Variants in AFF3 observed in about 807,000 individuals in gnomAD.
AFF3 encodes ALF transcription elongation factor 3, also known as AF4/FMR2 family member 3.
A neutral mutation model predicts 129.7 loss-of-function variants in AFF3; 32 were observed. That is an observed-to-expected ratio of 0.25 (90% confidence interval 0.19 to 0.33). AFF3 has a LOEUF of 0.33. AFF3 is among the 10% of genes least tolerant of loss of function. The pLI is 1.00. For missense variants in AFF3, 1,373 were observed against 1,592.0 expected (o/e 0.86, Z 2.34); for synonymous variants, 644 against 635.4 (o/e 1.01, Z -0.20).
intron 18 of AFF3, among the ~76,000 whole-genome samples, chr2:99,577,486 T>C (rs10169725): frequency 0.023 from 3,484 of 152,258 alleles, 126 homozygotes; most frequent in African/African-American, 0.079. Context: ...TAGTGGTTTG[T>C]AGTCTGCTCC....
At chr2:99,942,596 G>A (rs1014193648) in intron 7 of AFF3, among the ~76,000 whole-genome samples, 1 of 151,708 alleles carries the variant, frequency 6.6e-6, no homozygotes, top group East Asian at 2.0e-4. Flanking sequence ...GCTTGGGGAA[G>A]AACATTTTTG....
chr2:99,960,559 C>T (rs1677114101), intron 7 of AFF3, among the ~76,000 whole-genome samples: 1 of 152,202 alleles, frequency 6.6e-6, no homozygotes, highest in Admixed American at 6.5e-5. Context: ...CTCCTTATGA[C>T]AACCCCCAAA....
intron 7 of AFF3, among the ~76,000 whole-genome samples, chr2:99,984,305 T>C (rs1372959012): frequency 1.3e-5 from 2 of 152,234 alleles, no homozygotes; most frequent in East Asian, 3.8e-4. Flanking sequence ...GAAAGGAATC[T>C]ATGAGCTTCT....
At chr2:100,104,830 T>A in intron 3 of AFF3, 1 of 463,086 alleles carries the variant, frequency 2.2e-6, no homozygotes, top group Non-Finnish European at 2.6e-6. Flanking sequence ...GCCGCGGTGC[T>A]CTGCGCCCGC....
intron 16 of AFF3, among the ~76,000 whole-genome samples, chr2:99,586,396 C>T (rs1678120505): frequency 6.6e-6 from 1 of 152,214 alleles, no homozygotes. Context: ...TAGCACTGCT[C>T]TACATCTTTT....
chr2:99,587,063 C>T, intron 16 of AFF3, 91 bp downstream of exon 16: 1 of 1,559,126 alleles, frequency 6.4e-7, no homozygotes, highest in Non-Finnish European at 8.7e-7. Context: ...GAGTAGTCCT[C>T]AAAAAGCCTG....
chr2:99,723,071 A>G (rs999228708), intron 11 of AFF3, among the ~76,000 whole-genome samples: 1 of 152,202 alleles, frequency 6.6e-6, no homozygotes, highest in African/African-American at 2.4e-5. Flanking sequence ...TGTAACAGCT[A>G]TCTGCAGGAG....
chr2:100,101,135 T>A (rs1161823248), intron 4 of AFF3, among the ~76,000 whole-genome samples: 1 of 152,132 alleles, frequency 6.6e-6, no homozygotes, highest in Non-Finnish European at 1.5e-5. Context: ...AAAAAACCCA[T>A]CCTGAAGAGT....
At chr2:99,774,407 G>A (rs1683729255) in intron 8 of AFF3, among the ~76,000 whole-genome samples, 1 of 152,026 alleles carries the variant, frequency 6.6e-6, no homozygotes. Flanking sequence ...CAGACCAATG[G>A]AACAGAATAG....
chr2:99,612,858 G>A (rs1681065133), intron 13 of AFF3, among the ~76,000 whole-genome samples: 1 of 152,134 alleles, frequency 6.6e-6, no homozygotes. Flanking sequence ...TAAGTTTGTG[G>A]TCTTTCCCTG....
At chr2:99,784,745 T>C (rs1684668559) in intron 8 of AFF3, among the ~76,000 whole-genome samples, 1 of 152,236 alleles carries the variant, frequency 6.6e-6, no homozygotes, top group East Asian at 1.9e-4. Context: ...CACTTTTTAT[T>C]TTAGGATATG....
chr2:99,835,476 ATG>A (rs1688799212), intron 8 of AFF3, among the ~76,000 whole-genome samples: 1 of 152,110 alleles, frequency 6.6e-6, no homozygotes, highest in African/African-American at 2.4e-5. Flanking sequence ...AGAATGACTA[ATG>A]TCAGTGAGGC....
At chr2:99,579,492 G>A (rs568921674) in intron 17 of AFF3, among the ~76,000 whole-genome samples, 1 of 152,238 alleles carries the variant, frequency 6.6e-6, no homozygotes, top group Admixed American at 6.5e-5. Context: ...GGCCAAGGCA[G>A]GTAGATTACC....
intron 7 of AFF3, among the ~76,000 whole-genome samples, chr2:100,002,463 T>G (rs1681510263): frequency 6.6e-6 from 1 of 152,236 alleles, no homozygotes; most frequent in African/African-American, 2.4e-5. Context: ...TTCATGAAAA[T>G]TCTATGATTA....
At chr2:99,891,363 C>G (rs577031888) in intron 7 of AFF3, among the ~76,000 whole-genome samples, 225 of 152,200 alleles carry the variant, frequency 1.5e-3, no homozygotes, top group African/African-American at 4.9e-3. Flanking sequence ...TTGCTGTCTC[C>G]GGGAATTAGC....
In AFF3 at chr2:99,619,376, C is replaced by A. The variant is rs538981772; in HGVS notation, c.1185-17755G>T. Among the ~76,000 whole-genome samples the A allele has an allele frequency of 4.1e-4, 62 of 152,324 alleles. 1 individual carries two copies. The highest frequency in any genetic ancestry group is 7.6e-4 in the Non-Finnish European group (52 of 68,022). ...AGGCTTGTGGCCATATCAGCTCAAG[C>A]TGTGATCTTGTTAGCTGTCATAAAC... On this transcript the variant is annotated intron_variant, in intron 13 of 24. Coordinates refer to ENST00000672756, the MANE Select transcript of AFF3 (RefSeq NM_001386135.1).
intron 8 of AFF3, among the ~76,000 whole-genome samples, chr2:99,788,248 A>C (rs542874691): frequency 2.6e-5 from 4 of 152,316 alleles, no homozygotes; most frequent in African/African-American, 9.6e-5. Context: ...CATTAAAAAA[A>C]AGTTAACTGT....
chr2:99,709,777 A>C (rs1289859709), intron 11 of AFF3, among the ~76,000 whole-genome samples: 1 of 152,158 alleles, frequency 6.6e-6, no homozygotes, highest in Non-Finnish European at 1.5e-5. Context: ...TCCACAAGCA[A>C]ATAAATGACA....
intron 20 of AFF3, among the ~76,000 whole-genome samples, chr2:99,563,456 C>CT (rs998409955): frequency 3.3e-5 from 5 of 151,478 alleles, no homozygotes. Context: ...TCCCAAAGTG[C>CT]TGGGATTACA....
Sources: gnomAD v4.1 joint callset for allele counts (sites outside exome capture counted in the v4.1 genomes callset) on GRCh38, gnomAD v4.1.1 for gene constraint, MANE v1.5 for transcripts, NCBI Gene and HGNC (gene_info 2026-07-23, HGNC 2026-07-21) for gene names.